Variants in BAIAP2L1 observed in about 807,000 individuals in gnomAD.
The protein encoded by BAIAP2L1 is BAR/IMD domain-containing adapter protein 2-like 1.
In BAIAP2L1, 35 loss-of-function variants were observed where a neutral mutation model predicts 66.3. That is an observed-to-expected ratio of 0.53 (90% CI 0.40 to 0.70). The LOEUF (loss-of-function observed/expected upper bound fraction) is 0.70. Ranked by LOEUF, BAIAP2L1 falls within the 30% of genes least tolerant of loss-of-function variation. The pLI is 0.00. For synonymous variants in BAIAP2L1, 269 were observed against 248.7 expected (o/e 1.08, Z -0.77); for missense variants, 622 against 656.9 (o/e 0.95, Z 0.58).
chr7:98,336,569 T>C (rs566620219), intron 3 of BAIAP2L1, among the ~76,000 whole-genome samples: 166 of 152,248 alleles, frequency 1.1e-3, no homozygotes, highest in African/African-American at 3.6e-4. Flanking sequence ...TGAGCAGAGA[T>C]TGCACCACTG....
chr7:98,386,823 C>T (rs929172356), intron 1 of BAIAP2L1, among the ~76,000 whole-genome samples: 2 of 151,378 alleles, frequency 1.3e-5, no homozygotes, highest in Non-Finnish European at 2.9e-5. Flanking sequence ...CCTCAGCCTC[C>T]CGAGTAGCTG....
Position 98,315,472 on chromosome 7 carries a change from A to C in BAIAP2L1, c.627T>G (p.Tyr209Ter). 6.7e-7 allele frequency: 1 copy of C among 1,484,932 alleles called. No homozygotes were observed. The highest frequency in any genetic ancestry group is 1.4e-5 in the South Asian group (1 of 71,980). 92.0% of individuals were successfully genotyped at this position (1,484,932 alleles called of 1,614,324 possible). Residue 209 changes from tyrosine to a stop codon, truncating the protein, a stop_gained, in exon 7 of 14, where the codon TAT becomes TAG. Transcript: ENST00000005260. LOFTEE classifies it high-confidence loss of function. The part of the protein sequence containing the change: ...KHCGFANHIH[Y>*]YHLQSAELLN... The stretch of plus-strand genomic sequence containing the variant: ...CCACCACACCCACCTGTAAGTGATA[A>C]TAATGTATGTGGTTTGCAAAGCCAC...
Position 98,293,573 on chromosome 7 carries a change from A to C in BAIAP2L1, c.1484T>G (p.Val495Gly). ...ATTCGTCACAGTCGGGCGGAGTTTC[A>C]CAGTGGCAAAGGGGTTTTCTCCGCT... ...FLSGENPFAT[V>G]KLRPTVTNDR... is the part of the protein sequence containing the mutation. Residue 495 changes from valine (V) to glycine (G), a missense_variant, in exon 14 of 14, where the codon GTG becomes GGG. Val to Gly is a moderately radical substitution (Grantham distance 109). Transcript: ENST00000005260. 3 of 1,613,780 alleles carry C rather than the reference A, an allele frequency of 1.9e-6. No homozygotes were observed. The highest frequency in any genetic ancestry group is 2.5e-6 in the Non-Finnish European group (3 of 1,179,806).
chr7:98,382,314 T>C (rs904069885), intron 1 of BAIAP2L1, among the ~76,000 whole-genome samples: 1 of 151,980 alleles, frequency 6.6e-6, no homozygotes, highest in Admixed American at 6.6e-5. Flanking sequence ...AGAAGGTAAC[T>C]TGAAGGAAAA....
intron 3 of BAIAP2L1, among the ~76,000 whole-genome samples, chr7:98,339,607 C>A (rs148743544): frequency 6.6e-6 from 1 of 152,220 alleles, no homozygotes; most frequent in African/African-American, 2.4e-5. Flanking sequence ...AGGCCTCACT[C>A]GCTTCATGAT....
At chr7:98,302,993 C>T (rs1263449333) in intron 12 of BAIAP2L1, among the ~76,000 whole-genome samples, 1 of 152,126 alleles carries the variant, frequency 6.6e-6, no homozygotes, top group African/African-American at 2.4e-5. Context: ...GCTATGTTGC[C>T]AGTTTGGTCT....
At chr7:98,395,015 A>G (rs1378727952) in intron 1 of BAIAP2L1, among the ~76,000 whole-genome samples, 2 of 151,980 alleles carry the variant, frequency 1.3e-5, no homozygotes, top group Non-Finnish European at 2.9e-5. Flanking sequence ...GGAGGCTGAG[A>G]CAGGAGAATC....
At chr7:98,353,340 A>T (rs1242930960) in intron 3 of BAIAP2L1, among the ~76,000 whole-genome samples, 3 of 137,264 alleles carry the variant, frequency 2.2e-5, no homozygotes, top group Non-Finnish European at 3.0e-5. Flanking sequence ...TAAATATATA[A>T]ATATATTTAT....
At chr7:98,302,637 C>T (rs1800476020) in intron 12 of BAIAP2L1, among the ~76,000 whole-genome samples, 1 of 152,150 alleles carries the variant, frequency 6.6e-6, no homozygotes, top group Admixed American at 6.5e-5. Context: ...GGGACACCCT[C>T]CAGGACAAAT....
rs544783110 is a variant in BAIAP2L1, at chr7:98,362,370, C to T, written c.114G>A (p.Glu38=). The part of the protein sequence containing the change: ...RNLINLGKNY[E]KAVNAMILAG... ...AAACAGACTTACCGTTTACAGCTTTCTCATAATTTTTCCCCAGGTTTATTA... is the reference window on the plus strand; with the variant it reads ...AAACAGACTTACCGTTTACAGCTTTTTCATAATTTTTCCCCAGGTTTATTA... The change falls in exon 2 of 14, where the codon GAG becomes GAA. Residue 38 remains glutamate, a synonymous_variant. Transcript: ENST00000005260. 6.2e-7 allele frequency: 1 copy of T among 1,610,612 alleles called. No homozygotes were observed. The highest frequency in any genetic ancestry group is 1.1e-5 in the South Asian group (1 of 90,710).
intron 1 of BAIAP2L1, among the ~76,000 whole-genome samples, chr7:98,398,234 T>C (rs1803263574): frequency 6.6e-6 from 1 of 152,166 alleles, no homozygotes; most frequent in Non-Finnish European, 1.5e-5. Flanking sequence ...AAGCACTAGA[T>C]TCATCAACAC....
chr7:98,312,598 G>C (rs565731060), intron 7 of BAIAP2L1, among the ~76,000 whole-genome samples: 2 of 152,152 alleles, frequency 1.3e-5, no homozygotes, highest in Non-Finnish European at 2.9e-5. Context: ...CGTTTTCCAG[G>C]TGGCCCCAGA....
rs772397097 is a variant in BAIAP2L1, at chr7:98,306,473, T to C, written c.1207A>G (p.Asn403Asp). The C allele has an allele frequency of 3.5e-5, 57 of 1,613,990 alleles. No homozygotes were observed. In the East Asian group the frequency reaches 1.3e-3, roughly 36 times the overall value. Residue 403 changes from asparagine (N) to aspartate (D), a missense_variant, in exon 11 of 14, where the codon AAT (asparagine) becomes GAT (aspartate). Physicochemically the swap from Asn to Asp is conservative, Grantham distance 23 (BLOSUM62 1). Coordinates refer to ENST00000005260, the MANE Select transcript of BAIAP2L1 (RefSeq NM_018842.5). ...PSSYTKLLEENETEAVTVPTP... is the reference protein window; with the variant it reads ...PSSYTKLLEEDETEAVTVPTP... ...GGCACGGTCACTGCTTCTGTCTCATTTTCTTCCAGCAACTTCGTGTACGAC... is the reference window on the plus strand; with the variant it reads ...GGCACGGTCACTGCTTCTGTCTCATCTTCTTCCAGCAACTTCGTGTACGAC...
Position 98,292,485 on chromosome 7 carries a change from TCTCCA to T in BAIAP2L1, c.*1031_*1035del, listed in dbSNP as rs1800008407. On this transcript the variant is annotated 3_prime_UTR_variant, in exon 14 of 14. Transcript: ENST00000005260. ...CCGGGCTGGGAATTTTAACCATGAC[TCTCCA>T]CTCCAAAATAGGTCCAGATCCTTGG... The T allele has an allele frequency of 1.4e-5, 10 of 723,794 alleles. No individual in the cohort carries two copies. Among genetic ancestry groups the T allele is most frequent in the Non-Finnish European group, 2.1e-5 (9 of 435,996 alleles). 44.8% of individuals were successfully genotyped at this position (723,794 alleles called of 1,614,324 possible).
At chr7:98,351,020 C>T (rs1801988205) in intron 3 of BAIAP2L1, among the ~76,000 whole-genome samples, 1 of 152,034 alleles carries the variant, frequency 6.6e-6, no homozygotes, top group African/African-American at 2.4e-5. Flanking sequence ...CCATGCCTGG[C>T]TAATTTTTTG....
intron 1 of BAIAP2L1, among the ~76,000 whole-genome samples, chr7:98,376,717 A>G (rs1286464728): frequency 6.6e-6 from 1 of 151,320 alleles, no homozygotes; most frequent in South Asian, 2.1e-4. Context: ...CTGTAATCTC[A>G]GCTACTCGGG....
intron 2 of BAIAP2L1, among the ~76,000 whole-genome samples, chr7:98,358,470 A>G (rs1423128043): frequency 2.0e-5 from 3 of 151,374 alleles, no homozygotes; most frequent in African/African-American, 7.3e-5. Flanking sequence ...CCATCCTCCC[A>G]CCTCAGCCTC....
chr7:98,384,932 CA>C (rs1486251042), intron 1 of BAIAP2L1, among the ~76,000 whole-genome samples: 1 of 152,106 alleles, frequency 6.6e-6, no homozygotes, highest in Non-Finnish European at 1.5e-5. Flanking sequence ...CTCCCGAACT[CA>C]GGTGATCCAA....
At chr7:98,378,561 A>G (rs1802684127) in intron 1 of BAIAP2L1, among the ~76,000 whole-genome samples, 1 of 152,190 alleles carries the variant, frequency 6.6e-6, no homozygotes, top group Admixed American at 6.6e-5. Flanking sequence ...CTTTCTTTAA[A>G]GTACTTATCA....
Sources: allele counts gnomAD v4.1 joint callset (sites outside exome capture counted in the v4.1 genomes callset), GRCh38; gene constraint gnomAD v4.1.1; transcripts MANE v1.5; gene names NCBI Gene and HGNC (gene_info 2026-07-23, HGNC 2026-07-21).